The following METTL4 variants were observed in gnomAD, a reference collection of about 807,000 sequenced individuals.
METTL4 encodes the protein N(6)-adenine-specific methyltransferase METTL4.
METTL4 carries 40 observed loss-of-function variants against 54.0 expected under a neutral mutation model. The observed-to-expected ratio is 0.74, with a 90% CI of 0.58 to 0.96. The LOEUF is 0.96. Among genes scored for constraint, METTL4 ranks in the 50% least tolerant of loss-of-function variants. METTL4 has a pLI of 0.00. For missense variants in METTL4, 525 were observed against 549.0 expected, an observed-to-expected ratio of 0.96 and a Z score of 0.44; for synonymous variants, 169 against 183.8, an observed-to-expected ratio of 0.92 and a Z score of 0.65.
Position 2,538,966 on chromosome 18 carries a change from A to G in METTL4, c.*34T>C. The G allele has an allele frequency of 6.3e-7, 1 of 1,593,908 alleles. No individual in the cohort carries two copies. The highest frequency in any genetic ancestry group is 8.6e-7 in the Non-Finnish European group (1 of 1,169,074). ...ATTAAGGGAAAAGTGGTGAGGAAACAATGAAGAAACCACTACTTTAATCAA... is the reference window on the plus strand; with the variant it reads ...ATTAAGGGAAAAGTGGTGAGGAAACGATGAAGAAACCACTACTTTAATCAA... On this transcript the variant is annotated 3_prime_UTR_variant, in exon 9 of 9. Coordinates refer to ENST00000574538, the MANE Select transcript of METTL4 (RefSeq NM_022840.5).
intron 3 of METTL4, among the ~76,000 whole-genome samples, chr18:2,556,104 G>A (rs906411237): frequency 3.9e-5 from 6 of 152,036 alleles, no homozygotes; most frequent in African/African-American, 1.4e-4. Flanking sequence ...AATTCCAGCC[G>A]AGTCACGATC....
chr18:2,542,709 G>A (rs1054078739), intron 8 of METTL4, among the ~76,000 whole-genome samples: 1 of 151,870 alleles, frequency 6.6e-6, no homozygotes, highest in Non-Finnish European at 1.5e-5. Flanking sequence ...ATATATTAAA[G>A]CATTAAAGGT....
intron 2 of METTL4, among the ~76,000 whole-genome samples, chr18:2,565,540 A>C (rs1160263640): frequency 6.6e-6 from 1 of 152,232 alleles, no homozygotes; most frequent in East Asian, 1.9e-4. Flanking sequence ...GAATATGCAC[A>C]AGAAAAAAGT....
intron 6 of METTL4, among the ~76,000 whole-genome samples, chr18:2,545,012 A>C (rs2072051136): frequency 6.6e-6 from 1 of 152,094 alleles, no homozygotes; most frequent in African/African-American, 2.4e-5. Context: ...ATATGTAATC[A>C]ATTCAAAAAA....
intron 6 of METTL4, among the ~76,000 whole-genome samples, chr18:2,545,402 G>A (rs927965566): frequency 2.6e-5 from 4 of 151,958 alleles, no homozygotes; most frequent in Admixed American, 1.3e-4. Context: ...TTAGTTACAC[G>A]AGATAGTATC....
At chr18:2,551,687 C>T (rs9952145) in intron 5 of METTL4, among the ~76,000 whole-genome samples, 11,474 of 150,920 alleles carry the variant, frequency 0.076, 787 homozygotes, top group African/African-American at 0.19. Context: ...CAGAGTGAGA[C>T]CCTATCTCAA....
intron 5 of METTL4, among the ~76,000 whole-genome samples, chr18:2,551,163 C>CAAAAAA (rs752257490): frequency 6.1e-5 from 3 of 49,268 alleles, no homozygotes; most frequent in Non-Finnish European, 1.3e-4. Flanking sequence ...GACTCCGTCT[C>CAAAAAA]AAAAAAAAAA....
At chr18:2,551,278 AGGC>A in intron 5 of METTL4, among the ~76,000 whole-genome samples, 1 of 152,182 alleles carries the variant, frequency 6.6e-6, no homozygotes, top group African/African-American at 2.4e-5. Context: ...GAAATATTCA[AGGC>A]TAACTTACCC....
At chr18:2,566,065 ATAAAT>A (rs2072411852) in intron 2 of METTL4, among the ~76,000 whole-genome samples, 52 of 147,942 alleles carry the variant, frequency 3.5e-4, no homozygotes, top group Non-Finnish European at 6.0e-4. Context: ...AAATAAATAA[ATAAAT>A]AAATAAATAA....
chr18:2,547,601 G>A, intron 5 of METTL4, 72 bp from the exon 6 acceptor site: 1 of 1,160,708 alleles, frequency 8.6e-7, no homozygotes, highest in Non-Finnish European at 1.2e-6. Context: ...GATAAGACAT[G>A]CATAACACAG....
rs371101476 is a variant in METTL4 at position 2,551,149 on chromosome 18, A to G, written c.899+1546T>C. The stretch of plus-strand genomic sequence containing the variant: ...ACTGCACTCCAGCCTGGGCGACAGA[A>G]CGAGACTCCGTCTCAAAAAAAAAAA... On this transcript the variant is annotated intron_variant, in intron 5 of 8. Coordinates refer to ENST00000574538, the MANE Select transcript of METTL4 (RefSeq NM_022840.5). Among the ~76,000 whole-genome samples, 421 of 142,536 alleles carry G rather than the reference A, an allele frequency of 3.0e-3. 6 individuals are homozygous for G. The East Asian group carries it at 0.043, about 15-fold the overall frequency. 93.5% of individuals were successfully genotyped at this position (142,536 alleles called of 152,430 possible). A position where few individuals can be genotyped will look rare whatever the true frequency, so the allele number is the denominator to read the frequency against.
chr18:2,549,068 G>A (rs561285824), intron 5 of METTL4, among the ~76,000 whole-genome samples: 1 of 152,246 alleles, frequency 6.6e-6, no homozygotes, highest in South Asian at 2.1e-4. Flanking sequence ...TCTCTTAGCA[G>A]GTAAAGTTAA....
In METTL4 at chr18:2,566,951, C is replaced by T. The variant is rs774616832; in HGVS notation, c.266G>A (p.Arg89Gln). 5 of 1,613,848 alleles carry T rather than the reference C, an allele frequency of 3.1e-6. No individual in the cohort carries two copies. Among genetic ancestry groups the T allele is most frequent in the East Asian group, 2.2e-5 (1 of 44,882 alleles). ...YEMFTRKFVF[R>Q]PELFDVTKPY... ...TTTGGTGACATCAAACAGTTCAGGTCGAAAAACAAATTTTCGTGTGAACAT... is the reference window on the plus strand; with the variant it reads ...TTTGGTGACATCAAACAGTTCAGGTTGAAAAACAAATTTTCGTGTGAACAT... Residue 89 changes from arginine to glutamine, a missense_variant, in exon 2 of 9, where the codon CGA (arginine) becomes CAA (glutamine). By Grantham distance (43) the Arg-to-Gln change is conservative. Coordinates refer to ENST00000574538, the MANE Select transcript of METTL4 (RefSeq NM_022840.5).
intron 8 of METTL4, chr18:2,541,004 T>C (rs557819133): frequency 3.6e-6 from 3 of 824,206 alleles, no homozygotes; most frequent in South Asian, 1.1e-4. Context: ...TGGAAAATAA[T>C]GGCCAGGTAC....
intron 3 of METTL4, among the ~76,000 whole-genome samples, chr18:2,557,008 A>C (rs2072248675): frequency 6.6e-6 from 1 of 152,216 alleles, no homozygotes; most frequent in Admixed American, 6.5e-5. Context: ...TTAGGCAAGG[A>C]AGGACAGTAG....
chr18:2,540,661 A>G, intron 8 of METTL4: 2 of 985,420 alleles, frequency 2.0e-6, no homozygotes, highest in Non-Finnish European at 2.4e-6. Flanking sequence ...ATTAAATGCT[A>G]CTAACCTTGA....
At chr18:2,557,954 T>C (rs1271453077) in intron 3 of METTL4, among the ~76,000 whole-genome samples, 1 of 152,162 alleles carries the variant, frequency 6.6e-6, no homozygotes, top group Non-Finnish European at 1.5e-5. Flanking sequence ...AGGGGCATAA[T>C]TAGCCTTAAA....
intron 8 of METTL4, among the ~76,000 whole-genome samples, chr18:2,542,633 T>C (rs1444386165): frequency 6.6e-6 from 1 of 151,514 alleles, no homozygotes; most frequent in Non-Finnish European, 1.5e-5. Flanking sequence ...TATAATCAGG[T>C]ATTACTAGTG....
intron 2 of METTL4, 84 bp from the exon 3 acceptor site, chr18:2,563,943 ATCTG>A: frequency 3.8e-6 from 3 of 798,748 alleles, no homozygotes; most frequent in Middle Eastern, 2.5e-4. Context: ...TATGTCTTAT[ATCTG>A]TCTAATAATA....
Sources: gnomAD v4.1 joint callset for allele counts (sites outside exome capture counted in the v4.1 genomes callset) on GRCh38, gnomAD v4.1.1 for gene constraint, MANE v1.5 for transcripts, NCBI Gene and HGNC (gene_info 2026-07-23, HGNC 2026-07-21) for gene names.